The following PTPRG variants were observed in gnomAD, a reference collection of about 807,000 sequenced individuals.
PTPRG encodes the protein receptor-type tyrosine-protein phosphatase gamma.
Under a neutral mutation model 165.3 loss-of-function variants are expected in PTPRG, and 102 were observed. The ratio of observed to expected loss-of-function variants is 0.62; its 90% CI spans 0.53 to 0.73. The LOEUF is 0.73. Ranked by LOEUF, PTPRG falls within the 30% of genes least tolerant of loss-of-function variation. The pLI, the probability that PTPRG is intolerant of heterozygous loss-of-function variation, is 0.00. For synonymous variants in PTPRG, 675 were observed against 669.5 expected (o/e 1.01, Z -0.13); for missense variants, 1,866 against 1,861.4 (o/e 1.00, Z -0.05).
intron 5 of PTPRG, among the ~76,000 whole-genome samples, chr3:62,109,146 C>A (rs1049517201): frequency 1.8e-4 from 28 of 152,024 alleles, no homozygotes; most frequent in African/African-American, 6.5e-4. Context: ...TGGTATTGCC[C>A]AGGTTTTCTT....
intron 1 of PTPRG, among the ~76,000 whole-genome samples, chr3:61,705,480 CT>C (rs2031198376): frequency 6.6e-6 from 1 of 151,840 alleles, no homozygotes. Context: ...AGCTAAATAA[CT>C]TTTAAGTTTG....
At chr3:61,804,500 T>C (rs1477608909) in intron 2 of PTPRG, among the ~76,000 whole-genome samples, 1 of 152,180 alleles carries the variant, frequency 6.6e-6, no homozygotes, top group Non-Finnish European at 1.5e-5. Flanking sequence ...AATGGTACAT[T>C]GTGGTAGACT....
intron 1 of PTPRG, among the ~76,000 whole-genome samples, chr3:61,596,509 G>A (rs558821885): frequency 6.6e-6 from 1 of 152,220 alleles, no homozygotes; most frequent in Non-Finnish European, 1.5e-5. Flanking sequence ...ACAAATAACT[G>A]GGGCAGTGTA....
chr3:62,273,122 A>G lies in PTPRG; in HGVS notation c.3318+41A>G, dbSNP rs201994624. ...CAGCGTCCTCACGACATTCTGGCAA[A>G]TGCTGTAACTGAAATTTGTTAAATG... On this transcript the variant is annotated intron_variant, in intron 22 of 29. Transcript: ENST00000474889. This position sits in a 1 kb window ranked among gnomAD's most constrained non-coding sequence, Gnocchi z 4.1. The G allele has an allele frequency of 1.3e-4, 207 of 1,558,702 alleles. 1 individual carries two copies. The East Asian group carries it at 4.1e-3, about 31-fold the overall frequency.
intron 1 of PTPRG, among the ~76,000 whole-genome samples, chr3:61,726,785 C>T (rs1008981167): frequency 6.6e-6 from 1 of 152,142 alleles, no homozygotes; most frequent in South Asian, 2.1e-4. Flanking sequence ...CGGTGGCTCA[C>T]GCCTGTAATC....
chr3:61,731,534 A>G (rs2032501074), intron 1 of PTPRG, among the ~76,000 whole-genome samples: 1 of 151,874 alleles, frequency 6.6e-6, no homozygotes, highest in African/African-American at 2.4e-5. Flanking sequence ...ATTTTAGTAG[A>G]GACAGGGTTT....
chr3:61,942,464 T>A (rs766599280), intron 2 of PTPRG, among the ~76,000 whole-genome samples: 2 of 152,262 alleles, frequency 1.3e-5, no homozygotes, highest in African/African-American at 4.8e-5. Context: ...TTTTTCATTT[T>A]GTCTATATTA....
chr3:61,616,031 A>G (rs1236627140), intron 1 of PTPRG, among the ~76,000 whole-genome samples: 1 of 152,086 alleles, frequency 6.6e-6, no homozygotes, highest in Non-Finnish European at 1.5e-5. Context: ...GCTCACTGCA[A>G]CCTCCGCCTT....
chr3:62,000,945 C>T (rs2041159251), intron 3 of PTPRG, among the ~76,000 whole-genome samples: 1 of 152,182 alleles, frequency 6.6e-6, no homozygotes, highest in Non-Finnish European at 1.5e-5. Context: ...GTAATTATCA[C>T]CATTTGAACA....
rs528925018 is a variant in PTPRG at position 61,664,369 on chromosome 3, A to T, written c.86-84509A>T. ...AGAGCTCTTGGTCTGATGGGCCATC[A>T]CTCCTTGTCTTATAATCCTCAGTCC... On this transcript the variant is annotated intron_variant, in intron 1 of 29. Coordinates refer to ENST00000474889, the MANE Select transcript of PTPRG (RefSeq NM_002841.4). Among the ~76,000 whole-genome samples, 14 of 152,094 alleles carry T rather than the reference A, an allele frequency of 9.2e-5. No homozygotes were observed. In the East Asian group the frequency reaches 1.4e-3, roughly 15 times the overall value.
intron 5 of PTPRG, among the ~76,000 whole-genome samples, chr3:62,094,886 A>G (rs987805179): frequency 3.9e-5 from 6 of 152,218 alleles, no homozygotes; most frequent in African/African-American, 1.4e-4. Context: ...AGGCACTTGC[A>G]GATATTCCCA....
At chr3:61,645,413 A>C (rs1423803550) in intron 1 of PTPRG, among the ~76,000 whole-genome samples, 6 of 152,210 alleles carry the variant, frequency 3.9e-5, no homozygotes, top group Non-Finnish European at 8.8e-5. Flanking sequence ...TCAGGTTTCC[A>C]GCCTCCCTTG....
chr3:62,079,191 C>T (rs1484299173), intron 5 of PTPRG, among the ~76,000 whole-genome samples: 2 of 152,156 alleles, frequency 1.3e-5, no homozygotes, highest in Admixed American at 6.5e-5. Flanking sequence ...TTAATTTCAC[C>T]ACCCTTTTCA....
chr3:62,019,782 TA>T (rs982202397), intron 4 of PTPRG, among the ~76,000 whole-genome samples: 20 of 152,134 alleles, frequency 1.3e-4, no homozygotes, highest in African/African-American at 4.3e-4. Context: ...TTTGCCAACT[TA>T]AAAAAATTAA....
chr3:61,600,571 G>A (rs1700836529), intron 1 of PTPRG, among the ~76,000 whole-genome samples: 1 of 152,036 alleles, frequency 6.6e-6, no homozygotes, highest in Admixed American at 6.6e-5. Flanking sequence ...ACAAGGTCTT[G>A]TTCTGTCACC....
At chr3:61,949,122 G>T (rs1339686477) in intron 2 of PTPRG, among the ~76,000 whole-genome samples, 1 of 150,746 alleles carries the variant, frequency 6.6e-6, no homozygotes, top group African/African-American at 2.4e-5. Flanking sequence ...CCAACGGCCT[G>T]GTTTTCGTCA....
intron 2 of PTPRG, among the ~76,000 whole-genome samples, chr3:61,921,794 C>T (rs934488569): frequency 1.3e-5 from 2 of 152,118 alleles, no homozygotes; most frequent in African/African-American, 4.8e-5. Context: ...TCCTCAACCT[C>T]TACTGGATTC....
intron 2 of PTPRG, among the ~76,000 whole-genome samples, chr3:61,959,334 GC>G (rs1458546960): frequency 9.2e-5 from 14 of 152,184 alleles, no homozygotes; most frequent in African/African-American, 3.4e-4. Context: ...TCCCAAGCCA[GC>G]GGTCCCCAAC....
intron 2 of PTPRG, among the ~76,000 whole-genome samples, chr3:61,939,267 G>C (rs2107601876): frequency 6.6e-6 from 1 of 152,272 alleles, no homozygotes; most frequent in Non-Finnish European, 1.5e-5. Context: ...AAGCTCAGTG[G>C]AATAATTTGA....
Sources: allele counts gnomAD v4.1 joint callset (sites outside exome capture counted in the v4.1 genomes callset), GRCh38; gene constraint gnomAD v4.1.1; non-coding constraint Gnocchi (gnomAD v3.1); transcripts MANE v1.5; gene names NCBI Gene and HGNC (gene_info 2026-07-23, HGNC 2026-07-21).